The following SRSF11 variants were observed in gnomAD, a reference collection of about 807,000 sequenced individuals.
The protein encoded by SRSF11 is serine/arginine-rich splicing factor 11.
Under a neutral mutation model 56.0 loss-of-function variants are expected in SRSF11, and 9 were observed. That is an observed-to-expected ratio of 0.16 (90% CI 0.10 to 0.28). The LOEUF is 0.28. Among genes scored for constraint, SRSF11 ranks in the 10% least tolerant of loss-of-function variants. The pLI, the probability that SRSF11 is intolerant of heterozygous loss-of-function variation, is 1.00. For missense variants in SRSF11, 421 were observed against 600.7 expected, an observed-to-expected ratio of 0.70 and a Z score of 3.13; for synonymous variants, 222 against 215.3, an observed-to-expected ratio of 1.03 and a Z score of -0.27.
At chr1:70,233,948 T>A (rs181037943) in intron 3 of SRSF11, among the ~76,000 whole-genome samples, 4 of 152,314 alleles carry the variant, frequency 2.6e-5, no homozygotes, top group African/African-American at 9.6e-5. Context: ...AAACAACCAC[T>A]ACCTCTGAGG....
chr1:70,231,870 A>T, intron 2 of SRSF11: 1 of 1,491,830 alleles, frequency 6.7e-7, no homozygotes, highest in Non-Finnish European at 8.9e-7. Context: ...GAAGCAGCCG[A>T]CACGAGTCGT....
At chr1:70,243,248 G>A (rs1300389329) in intron 7 of SRSF11, among the ~76,000 whole-genome samples, 3 of 141,394 alleles carry the variant, frequency 2.1e-5, no homozygotes, top group African/African-American at 7.8e-5. Flanking sequence ...CAAGTCCTCT[G>A]GAATCCACAT....
intron 6 of SRSF11, among the ~76,000 whole-genome samples, chr1:70,238,803 T>C (rs1674684438): frequency 6.6e-6 from 1 of 152,102 alleles, no homozygotes. Context: ...GAATGAGAAA[T>C]TTACCCTCTT....
At position 70,249,982 on chromosome 1, in the gene SRSF11, C is replaced by T. The variant is rs767473603; in HGVS notation, c.1053C>T (p.Gly351=). 6.2e-7 allele frequency: 1 copy of T among 1,614,090 alleles called. No individual in the cohort carries two copies. Among genetic ancestry groups the T allele is most frequent in the Non-Finnish European group, 8.5e-7 (1 of 1,179,998 alleles). Residue 351 remains glycine, a synonymous_variant, in exon 10 of 12, where the codon GGC becomes GGT. Coordinates refer to ENST00000370949, the MANE Select transcript of SRSF11 (RefSeq NM_001350605.2). ...RERRRRRSRS[G]TRSPKKPRSP... is the part of the protein sequence containing the mutation. Reference sequence around the variant, plus strand: ...GACGACGACGAAGAAGCAGGAGTGGCACAAGATCTCCTAAAAAGCCTCGGT... The same window carrying T: ...GACGACGACGAAGAAGCAGGAGTGGTACAAGATCTCCTAAAAAGCCTCGGT...
chr1:70,250,869 T>A lies in SRSF11; in HGVS notation c.*64T>A. On this transcript the variant is annotated 3_prime_UTR_variant, in exon 12 of 12. Coordinates refer to ENST00000370949, the MANE Select transcript of SRSF11 (RefSeq NM_001350605.2). ...AGTGTCATTCCTTTGTGTGATTTCT[T>A]AATGCTGTATTTGTTCATCTCAAAC... The A allele has an allele frequency of 7.0e-7, 1 of 1,430,204 alleles. No individual in the cohort carries two copies. The allele number at this position is 1,430,204 out of a possible 1,614,324, so 88.6% of individuals were successfully genotyped here.
At chr1:70,237,159 G>A (rs762469967) in intron 5 of SRSF11, among the ~76,000 whole-genome samples, 1 of 152,118 alleles carries the variant, frequency 6.6e-6, no homozygotes, top group South Asian at 2.1e-4. Flanking sequence ...TTCTAAAAAT[G>A]TGTTTGTTTA....
At chr1:70,245,248 ATATTTATC>A (rs1676482025) in intron 8 of SRSF11, among the ~76,000 whole-genome samples, 1 of 152,206 alleles carries the variant, frequency 6.6e-6, no homozygotes, top group Admixed American at 6.5e-5. Context: ...TCTTGCTAAA[ATATTTATC>A]TTAATTTTCT....
chr1:70,230,312 G>A (rs2100726317), intron 2 of SRSF11: 1 of 1,037,418 alleles, frequency 9.6e-7, no homozygotes, highest in East Asian at 9.5e-5. Flanking sequence ...CTGTATTAAT[G>A]TTACCTCCAG....
intron 5 of SRSF11, among the ~76,000 whole-genome samples, chr1:70,235,993 G>GC (rs1416821938): frequency 6.6e-5 from 10 of 152,196 alleles, no homozygotes; most frequent in African/African-American, 2.4e-4. Flanking sequence ...CCGACTTGAT[G>GC]ATGTGACAGA....
intron 7 of SRSF11, among the ~76,000 whole-genome samples, chr1:70,240,665 T>C (rs1675150228): frequency 6.6e-6 from 1 of 152,182 alleles, no homozygotes; most frequent in African/African-American, 2.4e-5. Context: ...CTAGTTCTTC[T>C]AGTCAGAACC....
intron 7 of SRSF11, 85 bp downstream of exon 7, chr1:70,239,605 A>G: frequency 9.7e-7 from 1 of 1,029,982 alleles, no homozygotes; most frequent in Admixed American, 2.5e-5. Context: ...TTAATCTGTT[A>G]TCCTCTGGTT....
chr1:70,236,838 CTGT>C (rs756247882), intron 5 of SRSF11, among the ~76,000 whole-genome samples: 1 of 115,892 alleles, frequency 8.6e-6, no homozygotes, highest in Non-Finnish European at 1.6e-5. Flanking sequence ...AAATCTCACT[CTGT>C]CGCCCAGGCT....
upstream of SRSF11, among the ~76,000 whole-genome samples, chr1:70,218,300 C>A (rs1325343205): frequency 6.6e-6 from 1 of 152,194 alleles, no homozygotes; most frequent in East Asian, 1.9e-4. Flanking sequence ...AGCCTTCTAA[C>A]TTTAAATTCA....
rs564839856 is a variant in SRSF11 at position 70,216,033 on chromosome 1, A to G, written c.-25-5579A>G. Among the ~76,000 whole-genome samples the G allele has an allele frequency of 2.0e-5, 3 of 152,150 alleles. No individual in the cohort carries two copies. In the South Asian group the frequency reaches 6.2e-4, roughly 32 times the overall value. On this transcript the variant is annotated intron_variant, in intron 1 of 12. Transcript: ENST00000370950. ...ACCCCCGACCTCAGGTGATCCACCC[A>G]CCTCGGCCTCCCAAAGTGATGGGAT...
At chr1:70,211,869 A>G (rs747188615) in intron 1 of SRSF11, among the ~76,000 whole-genome samples, 3 of 152,198 alleles carry the variant, frequency 2.0e-5, no homozygotes, top group African/African-American at 7.2e-5. Flanking sequence ...ATCAGCCATC[A>G]ATACAACTTT....
At position 70,250,737 on chromosome 1, in the gene SRSF11, G is replaced by A; in HGVS notation, c.1387G>A (p.Asp463Asn). The change falls in exon 12 of 12, where the codon GAT (aspartate) becomes AAT (asparagine). Residue 463 changes from aspartate to asparagine, a missense_variant. By Grantham distance (23) the Asp-to-Asn change is conservative. Coordinates refer to ENST00000370949, the MANE Select transcript of SRSF11 (RefSeq NM_001350605.2). ...ATGTTCTGTGGAAAAGGGAACTGGT[G>A]ATTCACTAAGAGAATCCAAAGTGAA... is the stretch of plus-strand genomic sequence containing the variant. ...KECSVEKGTG[D>N]SLRESKVNGD... 1 of 1,614,032 alleles carries A rather than the reference G, an allele frequency of 6.2e-7. No homozygotes were observed. The highest frequency in any genetic ancestry group is 8.5e-7 in the Non-Finnish European group (1 of 1,179,970).
intron 2 of SRSF11, chr1:70,230,978 A>G (rs1558180307): frequency 3.2e-6 from 4 of 1,237,090 alleles, no homozygotes; most frequent in Admixed American, 2.9e-5. Context: ...CACAAGCAAG[A>G]TAACAGTGCT....
At chr1:70,227,454 A>T (rs544913104) in intron 1 of SRSF11, among the ~76,000 whole-genome samples, 1 of 152,290 alleles carries the variant, frequency 6.6e-6, no homozygotes, top group African/African-American at 2.4e-5. Flanking sequence ...TCTTGATTTA[A>T]TTCATGTGAA....
rs544112338 is a variant in SRSF11, at chr1:70,248,042, T to C, written c.1022+1135T>C. On this transcript the variant is annotated intron_variant, in intron 9 of 11. Coordinates refer to ENST00000370949, the MANE Select transcript of SRSF11 (RefSeq NM_001350605.2). Reference sequence around the variant, plus strand: ...CTGACAGATGATAGTAAGTGTTGATTAGGATGTGGAGAAATTAGAACCCTG... The same window carrying C: ...CTGACAGATGATAGTAAGTGTTGATCAGGATGTGGAGAAATTAGAACCCTG... 2.6e-5 allele frequency among the ~76,000 whole-genome samples: 4 copies of C among 152,166 alleles called. No individual in the cohort carries two copies. In the South Asian group the frequency reaches 6.2e-4, roughly 24 times the overall value.
Sources: allele counts gnomAD v4.1 joint callset (sites outside exome capture counted in the v4.1 genomes callset), GRCh38; gene constraint gnomAD v4.1.1; transcripts MANE v1.5; gene names NCBI Gene and HGNC (gene_info 2026-07-23, HGNC 2026-07-21).